ACSS1: variants seen among roughly 807,000 people sequenced by gnomAD.
ACSS1 encodes the protein acetyl-coenzyme A synthetase 2-like, mitochondrial.
Under a neutral mutation model 75.3 loss-of-function variants are expected in ACSS1, and 42 were observed. That is an observed-to-expected ratio of 0.56 (90% confidence interval 0.44 to 0.72). The LOEUF (loss-of-function observed/expected upper bound fraction) is 0.72, where lower values mean the gene tolerates loss of function less well. ACSS1 is among the 30% of genes least tolerant of loss of function. ACSS1 has a pLI of 0.00. For synonymous variants in ACSS1, 380 were observed against 376.8 expected (o/e 1.01, Z -0.10); for missense variants, 782 against 935.7 (o/e 0.84, Z 2.14).
At chr20:25,031,185 T>C in intron 2 of ACSS1, 1 of 635,970 alleles carries the variant, frequency 1.6e-6, no homozygotes, top group Non-Finnish European at 2.8e-6. Context: ...ATTGCTAGGG[T>C]GACAAGGCTA....
At chr20:25,050,155 T>C (rs1023728984) in intron 1 of ACSS1, among the ~76,000 whole-genome samples, 1 of 152,134 alleles carries the variant, frequency 6.6e-6, no homozygotes, top group African/African-American at 2.4e-5. Context: ...ACAGTTGTGC[T>C]AACCACCCTG....
Position 25,022,949 on chromosome 20 carries a change from C to T in ACSS1, c.951G>A (p.Leu317=). The T allele has an allele frequency of 6.2e-7, 1 of 1,612,706 alleles. No homozygotes were observed. The highest frequency in any genetic ancestry group is 8.5e-7 in the Non-Finnish European group (1 of 1,179,528). The change falls in exon 5 of 14, where the codon CTG becomes CTA. Residue 317 remains leucine, a synonymous_variant. Transcript: ENST00000323482. ...CCGCACAGGCCTGTACCTTGTGAGT[C>T]AGGGCGGCATAGAGCAGGTAGCCTG... ...TQAGYLLYAA[L]THKLVFDHQP...
intron 2 of ACSS1, among the ~76,000 whole-genome samples, chr20:25,042,255 G>T (rs776622548): frequency 2.6e-5 from 4 of 152,148 alleles, no homozygotes; most frequent in Non-Finnish European, 2.9e-5. Context: ...TATTCCAGTG[G>T]CAGCAGCCGC....
intron 2 of ACSS1, among the ~76,000 whole-genome samples, chr20:25,031,652 A>G (rs1227797826): frequency 6.6e-6 from 1 of 152,098 alleles, no homozygotes; most frequent in African/African-American, 2.4e-5. Flanking sequence ...CTTTCAATAA[A>G]CTATCTCTTT....
chr20:25,031,513 T>C (rs2088823888), intron 2 of ACSS1, among the ~76,000 whole-genome samples: 1 of 152,220 alleles, frequency 6.6e-6, no homozygotes, highest in Admixed American at 6.5e-5. Context: ...GTAATAAATG[T>C]CACTTCGTCA....
chr20:25,015,485 C>T (rs1357671508), intron 7 of ACSS1, among the ~76,000 whole-genome samples: 5 of 151,990 alleles, frequency 3.3e-5, no homozygotes, highest in Non-Finnish European at 7.4e-5. Flanking sequence ...TTAGTAGAGA[C>T]GGGGTTTCAC....
chr20:25,017,140 C>T (rs1256043065), intron 7 of ACSS1, among the ~76,000 whole-genome samples: 2 of 152,126 alleles, frequency 1.3e-5, no homozygotes, highest in Non-Finnish European at 2.9e-5. Context: ...ACTACAGGCA[C>T]GTACCACCAC....
chr20:25,039,911 T>C (rs2088973715), intron 2 of ACSS1, among the ~76,000 whole-genome samples: 1 of 152,200 alleles, frequency 6.6e-6, no homozygotes, highest in South Asian at 2.1e-4. Flanking sequence ...CAGGTGTCAA[T>C]GCCTGAAGAA....
intron 2 of ACSS1, among the ~76,000 whole-genome samples, chr20:25,034,934 C>T (rs559624104): frequency 3.3e-5 from 5 of 151,812 alleles, no homozygotes; most frequent in South Asian, 2.1e-4. Flanking sequence ...GCTCTGTTGC[C>T]GAGGCTGGAG....
At chr20:25,046,843 T>A in intron 2 of ACSS1, 1 of 779,730 alleles carries the variant, frequency 1.3e-6, no homozygotes, top group Non-Finnish European at 2.4e-6. Context: ...GCTGCTGGCC[T>A]ATGGGCCACA....
rs765663942 is a variant in ACSS1 at position 25,013,634 on chromosome 20, G to A, written c.1481C>T (p.Ser494Phe). ...GGCCTGGGAGATGCACAGGGCCCCG[G>A]AGACGTTGCTGCCCTCCACGACGCT... is the stretch of plus-strand genomic sequence containing the variant. ...KGSVVEGSNV[S>F]GALCISQAWP... Residue 494 changes from serine to phenylalanine, a missense_variant, in exon 10 of 14, where the codon TCC becomes TTC. Transcript: ENST00000323482. 1 of 1,607,306 alleles carries A rather than the reference G, an allele frequency of 6.2e-7. No individual in the cohort carries two copies. Among genetic ancestry groups the A allele is most frequent in the Non-Finnish European group, 8.5e-7 (1 of 1,176,700 alleles).
intron 1 of ACSS1, among the ~76,000 whole-genome samples, chr20:25,052,841 G>A (rs564664842): frequency 7.9e-5 from 12 of 152,314 alleles, no homozygotes; most frequent in East Asian, 1.9e-4. Flanking sequence ...GGACGCAGTC[G>A]GCCAATGCCC....
intron 2 of ACSS1, among the ~76,000 whole-genome samples, chr20:25,038,499 C>T (rs1056470636): frequency 7.2e-5 from 11 of 152,182 alleles, no homozygotes; most frequent in African/African-American, 2.7e-4. Context: ...AATTATTGAA[C>T]ACTGATGGAC....
intron 1 of ACSS1, among the ~76,000 whole-genome samples, chr20:25,049,352 T>G (rs1205769532): frequency 1.3e-5 from 2 of 152,098 alleles, no homozygotes; most frequent in Non-Finnish European, 2.9e-5. Context: ...AACCCCACAA[T>G]GTTTTGCTGG....
Position 25,009,264 on chromosome 20 carries a change from A to G in ACSS1, c.1890+6T>C, listed in dbSNP as rs745832360. The stretch of plus-strand genomic sequence containing the variant: ...ACAGCCCCATCTTTGTGGGAGGCCC[A>G]CTCACCAGGATCTCATCAGGCACAG... On this transcript the variant is annotated splice_donor_region_variant and intron_variant, in intron 13 of 13. Transcript: ENST00000323482. 6.2e-7 allele frequency: 1 copy of G among 1,604,574 alleles called. No individual in the cohort carries two copies. Among genetic ancestry groups the G allele is most frequent in the Non-Finnish European group, 8.5e-7 (1 of 1,171,364 alleles).
At chr20:25,048,320 A>G (rs1188726605) in intron 1 of ACSS1, 139 bp from the exon 2 acceptor site, 5 of 660,150 alleles carry the variant, frequency 7.6e-6, no homozygotes, top group Non-Finnish European at 1.3e-5. Flanking sequence ...CTCATCAGTG[A>G]TGATGTTTCT....
At chr20:25,053,038 C>G (rs7270236) in intron 1 of ACSS1, among the ~76,000 whole-genome samples, 9,863 of 149,486 alleles carry the variant, frequency 0.066, 1,113 homozygotes, top group African/African-American at 0.23. Context: ...AATTTGAATA[C>G]GGAGTTACTA....
At chr20:25,052,740 C>A (rs576371876) in intron 1 of ACSS1, among the ~76,000 whole-genome samples, 2 of 152,242 alleles carry the variant, frequency 1.3e-5, no homozygotes. Context: ...CATGAGGATG[C>A]GACAAGCCAT....
intron 3 of ACSS1, among the ~76,000 whole-genome samples, chr20:25,028,562 A>G (rs773860148): frequency 5.9e-5 from 9 of 152,246 alleles, no homozygotes; most frequent in Non-Finnish European, 1.3e-4. Flanking sequence ...CTGGATAGCC[A>G]TAGGACAAAG....
Sources: gnomAD v4.1 joint callset for allele counts (sites outside exome capture counted in the v4.1 genomes callset) on GRCh38, gnomAD v4.1.1 for gene constraint, MANE v1.5 for transcripts, NCBI Gene and HGNC (gene_info 2026-07-23, HGNC 2026-07-21) for gene names.